The following CECR2 variants were observed in gnomAD, a reference collection of about 807,000 sequenced individuals.
The protein encoded by CECR2 is chromatin remodeling regulator CECR2.
Under a neutral mutation model 154.5 loss-of-function variants are expected in CECR2, and 30 were observed. That is an observed-to-expected ratio of 0.19 (90% CI 0.15 to 0.26). The LOEUF (loss-of-function observed/expected upper bound fraction) is 0.26. CECR2 is among the 10% of genes least tolerant of loss of function. The pLI is 1.00. For synonymous variants in CECR2, 725 were observed against 683.7 expected (o/e 1.06, Z -0.94); for missense variants, 1,743 against 1,829.3 (o/e 0.95, Z 0.86).
At chr22:17,476,215 C>A (rs115856730) in intron 1 of CECR2, among the ~76,000 whole-genome samples, 405 of 151,100 alleles carry the variant, frequency 2.7e-3, no homozygotes, top group African/African-American at 9.2e-3. Flanking sequence ...TAACCCTTTT[C>A]TTCTCAGCTC....
intron 1 of CECR2, among the ~76,000 whole-genome samples, chr22:17,389,455 A>G (rs1462632968): frequency 6.6e-6 from 1 of 151,964 alleles, no homozygotes; most frequent in Non-Finnish European, 1.5e-5. Flanking sequence ...TTGACATTTT[A>G]GTGTTTTTAT....
rs978946812 is a variant in CECR2 at position 17,377,975 on chromosome 22, CGTTTTGTTTT to C, written c.126+8082_126+8091del. Among the ~76,000 whole-genome samples the C allele has an allele frequency of 6.6e-5, 10 of 152,072 alleles. No individual in the cohort carries two copies. The South Asian group carries it at 1.7e-3, about 25-fold the overall frequency. On this transcript the variant is annotated intron_variant, in intron 1 of 18. Coordinates refer to ENST00000262608, the MANE Select transcript of CECR2 (RefSeq NM_001290047.2). The stretch of plus-strand genomic sequence containing the variant: ...GCTGTTATATGAGGAATGTTATATG[CGTTTTGTTTT>C]GTTTTGTTTTGTTTTTGAGACGGAG...
intron 1 of CECR2, among the ~76,000 whole-genome samples, chr22:17,385,032 C>G (rs955475302): frequency 7.2e-5 from 11 of 152,222 alleles, no homozygotes; most frequent in African/African-American, 2.7e-4. Context: ...TCCAACTTTT[C>G]TTCTGCAGTT....
At chr22:17,382,205 C>T (rs5992041) in intron 1 of CECR2, among the ~76,000 whole-genome samples, 53,141 of 151,850 alleles carry the variant, frequency 0.35, 9,648 homozygotes, top group African/African-American at 0.44. Flanking sequence ...GCCCCTTCCT[C>T]ATAGAGACTA....
At chr22:17,546,280 A>G (rs1248770607) in intron 16 of CECR2, among the ~76,000 whole-genome samples, 4 of 151,414 alleles carry the variant, frequency 2.6e-5, no homozygotes, top group Non-Finnish European at 5.9e-5. Context: ...GAGGTCAGGA[A>G]ATCGAGATCA....
chr22:17,463,707 G>C (rs978249963), intron 1 of CECR2, among the ~76,000 whole-genome samples: 1 of 152,088 alleles, frequency 6.6e-6, no homozygotes, highest in Admixed American at 6.6e-5. Flanking sequence ...GCTGACGTCG[G>C]GGACGGGCAC....
chr22:17,428,046 G>T (rs1345832561), intron 1 of CECR2, among the ~76,000 whole-genome samples: 4 of 152,184 alleles, frequency 2.6e-5, no homozygotes, highest in African/African-American at 7.2e-5. Flanking sequence ...GTATCTCATT[G>T]TGGTTTTGAT....
At chr22:17,449,445 A>AT (rs941066636) in intron 1 of CECR2, among the ~76,000 whole-genome samples, 1 of 114,032 alleles carries the variant, frequency 8.8e-6, no homozygotes, top group Non-Finnish European at 1.8e-5. Flanking sequence ...GAGTTCTCCC[A>AT]TTTTTTTCAG....
At chr22:17,376,413 T>G (rs2063119654) in intron 1 of CECR2, among the ~76,000 whole-genome samples, 1 of 127,098 alleles carries the variant, frequency 7.9e-6, no homozygotes, top group East Asian at 2.0e-4. Context: ...AAATACACCT[T>G]GGCAGCATTC....
chr22:17,451,070 C>T (rs1191458216), intron 1 of CECR2, among the ~76,000 whole-genome samples: 1 of 152,238 alleles, frequency 6.6e-6, no homozygotes, highest in African/African-American at 2.4e-5. Flanking sequence ...AGACTTGGTG[C>T]CATGGTTTAC....
intron 7 of CECR2, among the ~76,000 whole-genome samples, chr22:17,505,944 A>G (rs1199885289): frequency 1.4e-5 from 2 of 147,138 alleles, no homozygotes. Context: ...TGCCAGGCTC[A>G]TGTGATCCTC....
Position 17,548,221 on chromosome 22 carries a change from A to G in CECR2, c.2934A>G (p.Leu978=), listed in dbSNP as rs1413273561. The G allele has an allele frequency of 4.4e-6, 7 of 1,592,830 alleles. 1 individual carries two copies. The highest frequency in any genetic ancestry group is 3.3e-4 in the Middle Eastern group (2 of 6,050). Residue 978 remains leucine (L), a synonymous_variant, in exon 17 of 19, where the codon CTA becomes CTG. Coordinates refer to ENST00000262608, the MANE Select transcript of CECR2 (RefSeq NM_001290047.2). ...CAGAGGGGGTCTACCTCACACAACT[A>G]CCTCACCCCACACCTCCCCTGCAGA... ...GTSEGVYLTQ[L]PHPTPPLQTD...
At chr22:17,425,115 A>G (rs2054311316) in intron 1 of CECR2, among the ~76,000 whole-genome samples, 1 of 152,038 alleles carries the variant, frequency 6.6e-6, no homozygotes, top group South Asian at 2.1e-4. Context: ...GCTTGTTCTC[A>G]CTACTTTTGG....
At chr22:17,493,468 G>T (rs200035487) in intron 2 of CECR2, among the ~76,000 whole-genome samples, 1 of 152,114 alleles carries the variant, frequency 6.6e-6, no homozygotes, top group East Asian at 1.9e-4. Flanking sequence ...CCCTTAGCCA[G>T]TGCCTTTGCC....
intron 2 of CECR2, among the ~76,000 whole-genome samples, chr22:17,493,333 G>C (rs991248545): frequency 1.3e-5 from 2 of 152,094 alleles, no homozygotes; most frequent in African/African-American, 4.8e-5. Flanking sequence ...CATTTTTCTG[G>C]GGGAGAAAGT....
At chr22:17,537,035 G>T in intron 9 of CECR2, 68 bp from the exon 10 acceptor site, 1 of 1,569,334 alleles carries the variant, frequency 6.4e-7, no homozygotes, top group Non-Finnish European at 8.7e-7. Flanking sequence ...CTCTCACAGT[G>T]ATGAAGGAAC....
intron 1 of CECR2, among the ~76,000 whole-genome samples, chr22:17,375,452 G>T (rs897470981): frequency 6.6e-6 from 1 of 152,156 alleles, no homozygotes; most frequent in African/African-American, 2.4e-5. Flanking sequence ...ATTAGGCAGT[G>T]TACTAGGTGC....
chr22:17,404,226 T>A (rs1414775847), intron 1 of CECR2, among the ~76,000 whole-genome samples: 1 of 133,736 alleles, frequency 7.5e-6, no homozygotes, highest in East Asian at 2.2e-4. Context: ...GCCACTGCAC[T>A]CCGGCCTGGA....
At chr22:17,369,398 CCCCCTCCTCGT>C (rs1225003315), upstream of CECR2, 2 of 150,914 alleles carry the variant, frequency 1.3e-5, no homozygotes, top group African/African-American at 4.9e-5. Flanking sequence ...GGCAGCCCCG[CCCCCTCCTCGT>C]GGGCGGCCCC....
Sources: allele counts gnomAD v4.1 joint callset (sites outside exome capture counted in the v4.1 genomes callset), GRCh38; gene constraint gnomAD v4.1.1; transcripts MANE v1.5; gene names NCBI Gene and HGNC (gene_info 2026-07-23, HGNC 2026-07-21).